The following RSBN1 variants were observed in gnomAD, a reference collection of about 807,000 sequenced individuals.
RSBN1 encodes lysine-specific demethylase 9.
Under a neutral mutation model 74.8 loss-of-function variants are expected in RSBN1, and 23 were observed. That is an observed-to-expected ratio of 0.31 (90% CI 0.22 to 0.44). The LOEUF (loss-of-function observed/expected upper bound fraction) is 0.44, where lower values mean the gene tolerates loss of function less well. RSBN1 is among the 20% of genes least tolerant of loss of function. The probability of loss-of-function intolerance (pLI) is 1.00; values close to 1 mark genes in which losing one functional copy is unlikely to be tolerated. For missense variants in RSBN1, 808 were observed against 1,020.9 expected (o/e 0.79, Z 2.84); for synonymous variants, 407 against 379.6 (o/e 1.07, Z -0.84).
chr1:113,764,696 C>T lies in RSBN1; in HGVS notation c.*1284G>A, dbSNP rs1001947442. 6.8e-6 allele frequency: 1 copy of T among 147,694 alleles called. No homozygotes were observed. The highest frequency in any genetic ancestry group is 2.5e-5 in the African/African-American group (1 of 39,852). The allele number at this position is 147,694 out of a possible 1,614,324, so 9.1% of individuals were successfully genotyped here. On this transcript the variant is annotated 3_prime_UTR_variant, in exon 7 of 7. Coordinates refer to ENST00000261441, the MANE Select transcript of RSBN1 (RefSeq NM_018364.5). ...AAAAAAAAAAAATCTCCAAATTGCACTGTAACCAGGGAGATATAAGAATCT... is the reference window on the plus strand; with the variant it reads ...AAAAAAAAAAAATCTCCAAATTGCATTGTAACCAGGGAGATATAAGAATCT...
intron 1 of RSBN1, among the ~76,000 whole-genome samples, chr1:113,808,055 C>A (rs1660747997): frequency 6.6e-6 from 1 of 152,004 alleles, no homozygotes; most frequent in Non-Finnish European, 1.5e-5. Context: ...TTCTCTTACA[C>A]CGCTGACAGG....
intron 1 of RSBN1, among the ~76,000 whole-genome samples, chr1:113,808,057 G>T (rs116247639): frequency 3.8e-4 from 58 of 152,098 alleles, no homozygotes; most frequent in African/African-American, 1.3e-3. Flanking sequence ...CTCTTACACC[G>T]CTGACAGGAA....
In RSBN1 at chr1:113,811,813, G is replaced by C. The variant is rs767216644; in HGVS notation, c.600C>G (p.Pro200=). ...ERHKHHHHRG[P]DGDPSSCGTD... Reference sequence around the variant, plus strand: ...TTCCGCAGGAGCTGGGATCACCATCGGGGCCGCGGTGGTGATGGTGCTTGT... The same window carrying C: ...TTCCGCAGGAGCTGGGATCACCATCCGGGCCGCGGTGGTGATGGTGCTTGT... The change falls in exon 1 of 7, where the codon CCC becomes CCG. Residue 200 remains proline, a synonymous_variant. Transcript: ENST00000261441. 8 of 1,613,768 alleles carry C rather than the reference G, an allele frequency of 5.0e-6. No individual in the cohort carries two copies. The highest frequency in any genetic ancestry group is 6.8e-6 in the Non-Finnish European group (8 of 1,179,976).
intron 2 of RSBN1, among the ~76,000 whole-genome samples, chr1:113,797,151 C>T (rs190111141): frequency 1.4e-3 from 220 of 152,240 alleles, no homozygotes; most frequent in African/African-American, 5.2e-3. Flanking sequence ...TGATGTATAA[C>T]ATGTATAAAG....
chr1:113,769,414 T>C (rs559398774), intron 4 of RSBN1, among the ~76,000 whole-genome samples: 148 of 152,194 alleles, frequency 9.7e-4, no homozygotes, highest in African/African-American at 3.5e-3. Context: ...AAAATGAAAG[T>C]AAAAGTCTTC....
intron 1 of RSBN1, among the ~76,000 whole-genome samples, chr1:113,809,724 A>G (rs1660792823): frequency 6.6e-6 from 1 of 152,184 alleles, no homozygotes; most frequent in Admixed American, 6.5e-5. Flanking sequence ...TCTTCTTCAC[A>G]TGTTGGCAAA....
rs1222595662 is a variant in RSBN1 at position 113,812,238 on chromosome 1, C to T, written c.175G>A (p.Val59Ile). The T allele has an allele frequency of 1.2e-6, 2 of 1,606,486 alleles. No individual in the cohort carries two copies. Among genetic ancestry groups the T allele is most frequent in the East Asian group, 4.5e-5 (2 of 44,830 alleles). Residue 59 changes from valine to isoleucine, a missense_variant, in exon 1 of 7, where the codon GTA becomes ATA. Transcript: ENST00000261441. ...TCCTCCTGCGCCGCCACCGCCCGTACTACGCGCACCGCTCCGACCTGCGCA... is the reference window on the plus strand; with the variant it reads ...TCCTCCTGCGCCGCCACCGCCCGTATTACGCGCACCGCTCCGACCTGCGCA... Reference protein sequence around the residue: ...MAAQVGAVRVVRAVAAQEEPD... With the variant: ...MAAQVGAVRVIRAVAAQEEPD...
chr1:113,779,863 A>T (rs890165101), intron 2 of RSBN1, among the ~76,000 whole-genome samples: 1 of 150,656 alleles, frequency 6.6e-6, no homozygotes, highest in Non-Finnish European at 1.5e-5. Flanking sequence ...TCTACTAAAA[A>T]TACAAAAATT....
chr1:113,778,177 G>A (rs1419475529), intron 2 of RSBN1, among the ~76,000 whole-genome samples: 1 of 151,854 alleles, frequency 6.6e-6, no homozygotes, highest in Non-Finnish European at 1.5e-5. Flanking sequence ...GAGAAAAAAA[G>A]ACCATAGTCA....
chr1:113,777,504 T>A (rs967860017), intron 3 of RSBN1, 152 bp from the exon 4 acceptor site: 4 of 928,150 alleles, frequency 4.3e-6, no homozygotes, highest in Non-Finnish European at 6.2e-6. Context: ...TTAAAAAGAA[T>A]AATTGAATTT....
rs967344038 is a variant in RSBN1 at position 113,802,838 on chromosome 1, T to C, written c.704-4802A>G. On this transcript the variant is annotated intron_variant, in intron 1 of 6. Coordinates refer to ENST00000261441, the MANE Select transcript of RSBN1 (RefSeq NM_018364.5). The stretch of plus-strand genomic sequence containing the variant: ...ACTTGTTACAACTGATAAGTCTACA[T>C]TGATGCATCATTATTCGCCTGCCCG... 1.3e-4 allele frequency among the ~76,000 whole-genome samples: 20 copies of C among 152,174 alleles called. 2 individuals carry two copies. Among genetic ancestry groups the C allele is most frequent in the Admixed American group, 1.1e-3 (17 of 15,280 alleles).
intron 2 of RSBN1, among the ~76,000 whole-genome samples, chr1:113,780,439 C>T (rs980083367): frequency 6.6e-6 from 1 of 152,162 alleles, no homozygotes; most frequent in South Asian, 2.1e-4. Flanking sequence ...AACTTGAAGA[C>T]AACTTAGAAA....
chr1:113,784,659 C>T (rs1660202259), intron 2 of RSBN1, among the ~76,000 whole-genome samples: 1 of 152,200 alleles, frequency 6.6e-6, no homozygotes, highest in Admixed American at 6.5e-5. Context: ...GGTTATCTGA[C>T]AGGAGGCGGA....
chr1:113,809,930 T>A (rs1157442476), intron 1 of RSBN1, among the ~76,000 whole-genome samples: 1 of 152,234 alleles, frequency 6.6e-6, no homozygotes, highest in Non-Finnish European at 1.5e-5. Context: ...CTGAGAAAGT[T>A]CTATCAGTCA....
intron 2 of RSBN1, among the ~76,000 whole-genome samples, chr1:113,783,146 A>G (rs2101803517): frequency 6.6e-6 from 1 of 152,328 alleles, no homozygotes; most frequent in South Asian, 2.1e-4. Flanking sequence ...TTTGTGAAAG[A>G]GAACAATCTG....
chr1:113,803,580 G>A (rs1053069372), intron 1 of RSBN1, among the ~76,000 whole-genome samples: 3 of 152,130 alleles, frequency 2.0e-5, no homozygotes, highest in East Asian at 1.9e-4. Flanking sequence ...AATGAAAAAC[G>A]CATGTGAAGT....
intron 3 of RSBN1, 27 bp from the exon 4 acceptor site, chr1:113,777,379 T>G (rs374867421): frequency 6.3e-7 from 1 of 1,581,410 alleles, no homozygotes; most frequent in Non-Finnish European, 8.6e-7. Flanking sequence ...TTAGTCACAT[T>G]AAAAAATTGT....
At chr1:113,766,553 A>G in intron 6 of RSBN1, 100 bp from the exon 7 acceptor site, 2 of 702,284 alleles carry the variant, frequency 2.8e-6, no homozygotes. Context: ...AATGTGTCAT[A>G]ACAATAATCA....
intron 2 of RSBN1, among the ~76,000 whole-genome samples, chr1:113,782,739 G>A (rs1416344828): frequency 6.6e-6 from 1 of 152,112 alleles, no homozygotes; most frequent in Non-Finnish European, 1.5e-5. Flanking sequence ...TGACCATAAT[G>A]TCTGTACTAA....
Sources: gnomAD v4.1 joint callset for allele counts (sites outside exome capture counted in the v4.1 genomes callset) on GRCh38, gnomAD v4.1.1 for gene constraint, MANE v1.5 for transcripts, NCBI Gene and HGNC (gene_info 2026-07-23, HGNC 2026-07-21) for gene names.